YJU2: variants seen among roughly 807,000 people sequenced by gnomAD.
YJU2 encodes the protein YJU2 splicing factor homolog, also known as splicing factor YJU2.
Under a neutral mutation model 39.6 loss-of-function variants are expected in YJU2, and 28 were observed. The observed-to-expected ratio is 0.71, with a 90% CI of 0.52 to 0.97. The LOEUF (loss-of-function observed/expected upper bound fraction) is 0.97, where lower values mean the gene tolerates loss of function less well. YJU2 is among the 50% of genes least tolerant of loss of function. The pLI, the probability that YJU2 is intolerant of heterozygous loss-of-function variation, is 0.00. For synonymous variants in YJU2, 184 were observed against 182.4 expected (o/e 1.01, Z -0.07); for missense variants, 328 against 430.4 (o/e 0.76, Z 2.11).
Position 4,251,057 on chromosome 19 carries a change from G to A in YJU2, c.156G>A (p.Lys52=), listed in dbSNP as rs754654896. ...RCKTCGEYIY[K]GKKFNARKET... ...AGACGTGCGGAGAATACATCTACAA[G>A]GGGAAGAAATTCAATGCTCGGAAGG... is the stretch of plus-strand genomic sequence containing the variant. Residue 52 remains lysine (K), a synonymous_variant, in exon 3 of 8, where the codon AAG becomes AAA. Transcript: ENST00000262962. The A allele has an allele frequency of 3.1e-6, 5 of 1,614,058 alleles. No homozygotes were observed. Among genetic ancestry groups the A allele is most frequent in the Non-Finnish European group, 3.4e-6 (4 of 1,180,028 alleles).
intron 6 of YJU2, 24 bp downstream of exon 6, chr19:4,262,138 G>C: frequency 6.3e-7 from 1 of 1,583,730 alleles, no homozygotes; most frequent in Non-Finnish European, 8.6e-7. Flanking sequence ...CTGAGTCCTG[G>C]GGGCTCCCAG....
Position 4,268,718 on chromosome 19 carries a change from G to A in YJU2, c.*22G>A, listed in dbSNP as rs374326927. ...CTGAGCCCTCCCAGGACCCCCTCACGGGGTCAAAGTCACACGTCCAGCTTC... is the reference window on the plus strand; with the variant it reads ...CTGAGCCCTCCCAGGACCCCCTCACAGGGTCAAAGTCACACGTCCAGCTTC... On this transcript the variant is annotated 3_prime_UTR_variant, in exon 8 of 8. Coordinates refer to ENST00000262962, the MANE Select transcript of YJU2 (RefSeq NM_018074.6). The A allele has an allele frequency of 6.4e-6, 10 of 1,552,660 alleles. No homozygotes were observed. The highest frequency in any genetic ancestry group is 1.1e-5 in the South Asian group (1 of 89,044).
chr19:4,259,785 G>A (rs1023346890), intron 5 of YJU2, among the ~76,000 whole-genome samples: 3 of 152,100 alleles, frequency 2.0e-5, no homozygotes, highest in African/African-American at 7.2e-5. Context: ...GTAAGGACAG[G>A]GACGTGGTGG....
At chr19:4,265,977 G>C (rs113353571) in intron 6 of YJU2, among the ~76,000 whole-genome samples, 1 of 135,758 alleles carries the variant, frequency 7.4e-6, no homozygotes, top group African/African-American at 2.7e-5. Context: ...TTTTCGAGAC[G>C]GCGTCTCGCC....
chr19:4,252,906 A>G (rs1970988684), intron 3 of YJU2, among the ~76,000 whole-genome samples: 1 of 152,178 alleles, frequency 6.6e-6, no homozygotes, highest in Admixed American at 6.6e-5. Flanking sequence ...AGCCTGAGTG[A>G]CAGAGTGAGA....
chr19:4,248,834 G>T (rs1004868602), intron 1 of YJU2, among the ~76,000 whole-genome samples: 4 of 152,050 alleles, frequency 2.6e-5, no homozygotes, highest in Non-Finnish European at 5.9e-5. Flanking sequence ...CAGGAGAATC[G>T]CTTGAACCCA....
At chr19:4,256,308 A>G (rs1486779437) in intron 4 of YJU2, among the ~76,000 whole-genome samples, 2 of 148,972 alleles carry the variant, frequency 1.3e-5, no homozygotes, top group African/African-American at 4.9e-5. Flanking sequence ...CATATTTCCC[A>G]TCCATTCTTA....
chr19:4,249,138 C>T (rs889221761), intron 1 of YJU2, 90 bp from the exon 2 acceptor site: 68 of 874,954 alleles, frequency 7.8e-5, no homozygotes, highest in Admixed American at 9.7e-5. Context: ...TGGGGACCCC[C>T]GACACAGCTC....
chr19:4,254,839 C>G (rs1230842608), intron 4 of YJU2, among the ~76,000 whole-genome samples: 1 of 151,834 alleles, frequency 6.6e-6, no homozygotes, highest in Admixed American at 6.6e-5. Context: ...GGGTGGGTCA[C>G]GAGGTCAGGA....
intron 6 of YJU2, among the ~76,000 whole-genome samples, chr19:4,264,208 G>A (rs1391966452): frequency 1.1e-4 from 14 of 132,148 alleles, no homozygotes; most frequent in Non-Finnish European, 1.7e-4. Context: ...CTTGCAGTGA[G>A]CCGAGATTGT....
intron 6 of YJU2, among the ~76,000 whole-genome samples, chr19:4,265,028 C>G (rs1249117260): frequency 6.6e-6 from 1 of 152,202 alleles, no homozygotes; most frequent in East Asian, 1.9e-4. Context: ...CTACAACTTC[C>G]TCTCTTCTTT....
At chr19:4,254,051 C>A (rs1970999090) in intron 3 of YJU2, among the ~76,000 whole-genome samples, 2 of 152,126 alleles carry the variant, frequency 1.3e-5, no homozygotes. Flanking sequence ...CTCCAGTGAT[C>A]CACCTGCCTC....
chr19:4,255,046 A>G (rs1696260062), intron 4 of YJU2, among the ~76,000 whole-genome samples: 1 of 130,390 alleles, frequency 7.7e-6, no homozygotes, highest in South Asian at 2.5e-4. Flanking sequence ...ACAGAGTGAG[A>G]TTCTGTCTCC....
intron 1 of YJU2, 108 bp downstream of exon 1, chr19:4,247,278 G>A (rs1477624176): frequency 3.3e-5 from 34 of 1,037,620 alleles, no homozygotes; most frequent in Admixed American, 4.5e-5. Flanking sequence ...CTTTCCCAGC[G>A]GCCTTCCGCG....
At chr19:4,263,970 C>T (rs555427823) in intron 6 of YJU2, among the ~76,000 whole-genome samples, 2 of 151,542 alleles carry the variant, frequency 1.3e-5, no homozygotes, top group South Asian at 2.1e-4. Context: ...CACACAGAAA[C>T]GATTGTTCTC....
At chr19:4,253,425 T>A (rs1481779835) in intron 3 of YJU2, among the ~76,000 whole-genome samples, 1 of 151,178 alleles carries the variant, frequency 6.6e-6, no homozygotes, top group Middle Eastern at 3.2e-3. Context: ...AAAAAGAAAT[T>A]TAAAAATTAG....
chr19:4,263,040 C>T (rs1285708377), intron 6 of YJU2, among the ~76,000 whole-genome samples: 2 of 150,588 alleles, frequency 1.3e-5, no homozygotes, highest in Non-Finnish European at 3.0e-5. Context: ...TGCCACTGCA[C>T]CCCAGCCTGG....
chr19:4,262,373 T>G (rs9749547), intron 6 of YJU2, among the ~76,000 whole-genome samples: 4,888 of 152,162 alleles, frequency 0.032, 250 homozygotes, highest in African/African-American at 0.11. Flanking sequence ...TAATTTTTTG[T>G]ATTTTTAGTA....
chr19:4,249,382 C>A, intron 2 of YJU2, 54 bp downstream of exon 2: 3 of 1,197,062 alleles, frequency 2.5e-6, no homozygotes, highest in South Asian at 1.3e-5. Context: ...GGACGCAGTG[C>A]CTGGCATCCA....
Sources: gnomAD v4.1 joint callset for allele counts (sites outside exome capture counted in the v4.1 genomes callset) on GRCh38, gnomAD v4.1.1 for gene constraint, MANE v1.5 for transcripts, NCBI Gene and HGNC (gene_info 2026-07-23, HGNC 2026-07-21) for gene names.